AAMP: variants seen among roughly 807,000 people sequenced by gnomAD.
AAMP encodes angio associated migratory cell protein.
Under a neutral mutation model 51.1 loss-of-function variants are expected in AAMP, and 12 were observed. The ratio of observed to expected loss-of-function variants is 0.23; its 90% CI spans 0.15 to 0.38. The LOEUF is 0.38. Ranked by LOEUF, AAMP falls within the 10% of genes least tolerant of loss-of-function variation. AAMP has a pLI of 1.00. For synonymous variants in AAMP, 210 were observed against 218.7 expected, an observed-to-expected ratio of 0.96 and a Z score of 0.35; for missense variants, 418 against 557.2, an observed-to-expected ratio of 0.75 and a Z score of 2.52.
Position 218,269,419 on chromosome 2 carries a change from G to T in AAMP, c.237C>A (p.Gly79=), listed in dbSNP as rs146569697. The T allele has an allele frequency of 3.6e-5, 58 of 1,614,030 alleles. No individual in the cohort carries two copies. Among genetic ancestry groups the T allele is most frequent in the Non-Finnish European group, 4.6e-5 (54 of 1,180,032 alleles). Reference sequence around the variant, plus strand: ...CAAAGGTGACCTCGCTATCGTCGGGGCCCTCCATGCTGCCGACCACCCCTT... The same window carrying T: ...CAAAGGTGACCTCGCTATCGTCGGGTCCCTCCATGCTGCCGACCACCCCTT... ...PQEGVVGSME[G]PDDSEVTFAL... Residue 79 remains glycine (G), a synonymous_variant, in exon 2 of 11, where the codon GGC becomes GGA. Transcript: ENST00000248450.
chr2:218,269,669 GGGGGCGCGC>G (rs1445155589), intron 1 of AAMP, 135 bp from the exon 2 acceptor site: 15 of 1,444,898 alleles, frequency 1.0e-5, no homozygotes, highest in Admixed American at 1.8e-5. Flanking sequence ...CGGGGTCCGC[GGGGGCGCGC>G]GGGACACAGG....
In AAMP at chr2:218,270,108, C is replaced by T; in HGVS notation, c.-22G>A. 2 of 1,612,794 alleles carry T rather than the reference C, an allele frequency of 1.2e-6. No individual in the cohort carries two copies. The highest frequency in any genetic ancestry group is 1.7e-6 in the Non-Finnish European group (2 of 1,179,382). ...CCATGCGGCGCAAGCGGCGGATCCA[C>T]TTCTCTGGGCCCAAACGCCTCCCAG... On this transcript the variant is annotated 5_prime_UTR_variant, in exon 1 of 11. The change creates a new upstream start codon in the 5' untranslated region. Transcript: ENST00000248450.
rs1690585587 is a variant in AAMP at position 218,264,919 on chromosome 2, C to T, written c.1229+101G>A. The T allele has an allele frequency of 3.2e-6, 5 of 1,549,516 alleles. No individual in the cohort carries two copies. In the South Asian group the frequency reaches 5.6e-5, roughly 17 times the overall value. ...CCCTCAGGCTTCTCTGCATTCCTGC[C>T]TTAGGAATCCCTTCCCACACCCCAA... is the stretch of plus-strand genomic sequence containing the variant. On this transcript the variant is annotated intron_variant, in intron 10 of 10. Coordinates refer to ENST00000248450, the MANE Select transcript of AAMP (RefSeq NM_001087.5).
intron 2 of AAMP, 126 bp downstream of exon 2, chr2:218,269,256 C>G: frequency 7.9e-7 from 1 of 1,269,970 alleles, no homozygotes; most frequent in Non-Finnish European, 1.1e-6. Flanking sequence ...CACCTGTGGG[C>G]TCCTCCAGCG....
rs1690724998 is a variant in AAMP, at chr2:218,269,383, T to C, written c.273A>G (p.Ser91=). 3 of 1,613,916 alleles carry C rather than the reference T, an allele frequency of 1.9e-6. 1 individual carries two copies. The highest frequency in any genetic ancestry group is 8.5e-7 in the Non-Finnish European group (1 of 1,180,042). Reference sequence around the variant, plus strand: ...AGGTGGATCGCCTCAAAGACCTACCTGAGTGCAATGCAAAGGTGACCTCGC... The same window carrying C: ...AGGTGGATCGCCTCAAAGACCTACCCGAGTGCAATGCAAAGGTGACCTCGC... ...DDSEVTFALH[S]ASVFCVSLDP... Residue 91 remains serine, a splice_region_variant and synonymous_variant, in exon 2 of 11, where the codon TCA becomes TCG. Coordinates refer to ENST00000248450, the MANE Select transcript of AAMP (RefSeq NM_001087.5).
At chr2:218,269,678 C>G in intron 1 of AAMP, 144 bp from the exon 2 acceptor site, 1 of 1,405,448 alleles carries the variant, frequency 7.1e-7, no homozygotes, top group Non-Finnish European at 9.8e-7. Flanking sequence ...CGGGGGCGCG[C>G]GGGACACAGG....
rs1448300114 is a variant in AAMP at position 218,267,011 on chromosome 2, C to A, written c.395-25G>T. ...CCTTCAAAGAAAAGTGGGCAGAAAA[C>A]AGAGGAAAAAAATAGGGTACCTGGT... On this transcript the variant is annotated intron_variant, in intron 3 of 10. Transcript: ENST00000248450. This position sits in a 1 kb window ranked among gnomAD's most constrained non-coding sequence, Gnocchi z 4.6. 6.2e-7 allele frequency: 1 copy of A among 1,608,318 alleles called. No individual in the cohort carries two copies. The highest frequency in any genetic ancestry group is 1.1e-5 in the South Asian group (1 of 90,778).
chr2:218,268,976 C>T (rs1010764448), intron 2 of AAMP, among the ~76,000 whole-genome samples: 1 of 151,848 alleles, frequency 6.6e-6, no homozygotes, highest in African/African-American at 2.4e-5. Flanking sequence ...GGATTACAGG[C>T]GTGAGCCACC....
chr2:218,265,526 C>T lies in AAMP; in HGVS notation c.983+53G>A, dbSNP rs183557198. On this transcript the variant is annotated intron_variant, in intron 8 of 10. Transcript: ENST00000248450. This position sits in a 1 kb window ranked among gnomAD's most constrained non-coding sequence, Gnocchi z 6.6. ...GGACTCACACGCCCTGCCGTCCTCC[C>T]GGGCCCCCAGCCCAGGCCCCTCCCA... The T allele has an allele frequency of 3.9e-4, 614 of 1,585,282 alleles. No homozygotes were observed. The African/African-American group carries it at 7.1e-3, about 18-fold the overall frequency.
At position 218,269,393 on chromosome 2, in the gene AAMP, G is replaced by A. The variant is rs141898578; in HGVS notation, c.263C>T (p.Ala88Val). The change falls in exon 2 of 11, where the codon GCA becomes GTA. Residue 88 changes from alanine to valine, a missense_variant. Coordinates refer to ENST00000248450, the MANE Select transcript of AAMP (RefSeq NM_001087.5). ...EGPDDSEVTF[A>V]LHSASVFCVS... ...CCTCAAAGACCTACCTGAGTGCAAT[G>A]CAAAGGTGACCTCGCTATCGTCGGG... The A allele has an allele frequency of 8.5e-4, 1,377 of 1,614,066 alleles. 14 individuals are homozygous for A. The African/African-American group carries it at 0.015, about 17-fold the overall frequency.
rs1300166101 is a variant in AAMP, at chr2:218,265,324, C to T, written c.1074+47G>A. Reference sequence around the variant, plus strand: ...GCTCCTGGAGGCCTGGGCTTCCCCACCACTATGGACACAGCCCACAGGGAC... The same window carrying T: ...GCTCCTGGAGGCCTGGGCTTCCCCATCACTATGGACACAGCCCACAGGGAC... On this transcript the variant is annotated intron_variant, in intron 9 of 10. Coordinates refer to ENST00000248450, the MANE Select transcript of AAMP (RefSeq NM_001087.5). This position sits in a 1 kb window ranked among gnomAD's most constrained non-coding sequence, Gnocchi z 6.6. The T allele has an allele frequency of 1.3e-6, 2 of 1,531,798 alleles. No individual in the cohort carries two copies. The highest frequency in any genetic ancestry group is 2.7e-5 in the African/African-American group (2 of 72,874). 94.9% of individuals were successfully genotyped at this position (1,531,798 alleles called of 1,614,324 possible).
At position 218,266,768 on chromosome 2, in the gene AAMP, AG is replaced by A; in HGVS notation, c.534+78del. The A allele has an allele frequency of 6.3e-7, 1 of 1,595,720 alleles. No individual in the cohort carries two copies. Among genetic ancestry groups the A allele is most frequent in the African/African-American group, 1.3e-5 (1 of 74,644 alleles). ...GCTCAGAGCTGGCTTGGCGCAATAA[AG>A]GCAGAACTGGCCTCCCAAGCTTGCA... On this transcript the variant is annotated intron_variant, in intron 4 of 10. Transcript: ENST00000248450. The surrounding 1 kb of genome is among the most constrained non-coding windows in gnomAD (Gnocchi z 4.7).
chr2:218,267,352 C>T lies in AAMP; in HGVS notation c.394+142G>A. 2.3e-6 allele frequency: 3 copies of T among 1,279,320 alleles called. No homozygotes were observed. Among genetic ancestry groups the T allele is most frequent in the Non-Finnish European group, 3.3e-6 (3 of 916,950 alleles). The allele number at this position is 1,279,320 out of a possible 1,614,324, so 79.2% of individuals were successfully genotyped here. On this transcript the variant is annotated intron_variant, in intron 3 of 10. Transcript: ENST00000248450. This position sits in a 1 kb window ranked among gnomAD's most constrained non-coding sequence, Gnocchi z 4.6. ...GCCCAAAACACACTAGTATTCGCCC[C>T]GTGTCCCTGGGGCCCAGCACAGAGC... is the stretch of plus-strand genomic sequence containing the variant.
rs772859639 is a variant in AAMP at position 218,266,523 on chromosome 2, A to C, written c.599T>G (p.Met200Arg). ...GCAGTCACCATTCGGGACTTTCCAC[A>C]TCCAGGTGTTGCCGTCAGCTGTGCC... The part of the protein sequence containing the change: ...LAGTADGNTW[M>R]WKVPNGDCKT... The change falls in exon 5 of 11, where the codon ATG becomes AGG. Residue 200 changes from methionine (M) to arginine (R), a missense_variant. Transcript: ENST00000248450. The surrounding 1 kb of genome is among the most constrained non-coding windows in gnomAD (Gnocchi z 4.7). The C allele has an allele frequency of 1.2e-6, 2 of 1,613,760 alleles. No individual in the cohort carries two copies. The highest frequency in any genetic ancestry group is 1.7e-6 in the Non-Finnish European group (2 of 1,180,020).
At position 218,265,182 on chromosome 2, in the gene AAMP, G is replaced by A. The variant is rs115942379; in HGVS notation, c.1075-8C>T. Reference sequence around the variant, plus strand: ...CAGCTGCACGATGCCCGACTGCCCCGAGGAATGACAGAGGCAGGGCGGAGG... The same window carrying A: ...CAGCTGCACGATGCCCGACTGCCCCAAGGAATGACAGAGGCAGGGCGGAGG... On this transcript the variant is annotated splice_polypyrimidine_tract_variant and splice_region_variant and intron_variant, in intron 9 of 10. Transcript: ENST00000248450. This position sits in a 1 kb window ranked among gnomAD's most constrained non-coding sequence, Gnocchi z 6.6. The A allele has an allele frequency of 0.024, 37,131 of 1,577,132 alleles. 532 individuals are homozygous for A. Among genetic ancestry groups the A allele is most frequent in the Middle Eastern group, 0.028 (148 of 5,274 alleles).
chr2:218,266,625 C>T lies in AAMP; in HGVS notation c.535-38G>A. On this transcript the variant is annotated intron_variant, in intron 4 of 10. Transcript: ENST00000248450. The surrounding 1 kb of genome is among the most constrained non-coding windows in gnomAD (Gnocchi z 4.7). ...GAAGGGGCAGCAGGGAGGCCCGTCA[C>T]CCCATCCCACCTAGAAGCCTGCCCC... is the stretch of plus-strand genomic sequence containing the variant. 2 of 1,592,124 alleles carry T rather than the reference C, an allele frequency of 1.3e-6. No individual in the cohort carries two copies. Among genetic ancestry groups the T allele is most frequent in the African/African-American group, 1.3e-5 (1 of 74,570 alleles).
rs1264629245 is a variant in AAMP at position 218,264,287 on chromosome 2, TGAAAGA to T, written c.*240_*245del. On this transcript the variant is annotated 3_prime_UTR_variant, in exon 11 of 11. Transcript: ENST00000248450. Reference sequence around the variant, plus strand: ...CATGGCTCACACCAGCAAATGAAAGTGAAAGAGAAACAGGTCCACCCCTCCCTCTGA... The same window carrying T: ...CATGGCTCACACCAGCAAATGAAAGTGAAACAGGTCCACCCCTCCCTCTGA... 1 of 535,792 alleles carries T rather than the reference TGAAAGA, an allele frequency of 1.9e-6. No homozygotes were observed. Among genetic ancestry groups the T allele is most frequent in the Non-Finnish European group, 3.3e-6 (1 of 298,988 alleles). The allele number at this position is 535,792 out of a possible 1,614,324, so 33.2% of individuals were successfully genotyped here. A position where few individuals can be genotyped will look rare whatever the true frequency, so the allele number is the denominator to read the frequency against.
rs1405987112 is a variant in AAMP, at chr2:218,265,800, G to A, written c.879+31C>T. On this transcript the variant is annotated intron_variant, in intron 7 of 10. Transcript: ENST00000248450. This position sits in a 1 kb window ranked among gnomAD's most constrained non-coding sequence, Gnocchi z 6.6. Reference sequence around the variant, plus strand: ...AGGAAGGAGAGGAGTCGGGAAAGCGGAGGCCCCAGCCGGGCTCCAGGTCCA... The same window carrying A: ...AGGAAGGAGAGGAGTCGGGAAAGCGAAGGCCCCAGCCGGGCTCCAGGTCCA... 6.3e-7 allele frequency: 1 copy of A among 1,597,884 alleles called. No homozygotes were observed. The highest frequency in any genetic ancestry group is 1.7e-5 in the Admixed American group (1 of 59,720).
rs772542210 is a variant in AAMP at position 218,269,541 on chromosome 2, T to TG, written c.122-8dup. 6.2e-7 allele frequency: 1 copy of TG among 1,613,952 alleles called. No individual in the cohort carries two copies. Among genetic ancestry groups the TG allele is most frequent in the Admixed American group, 1.7e-5 (1 of 60,012 alleles). On this transcript the variant is annotated splice_polypyrimidine_tract_variant and splice_region_variant and intron_variant, in intron 1 of 10. Transcript: ENST00000248450. Reference sequence around the variant, plus strand: ...ATCTCCTGGGCCAGGTCATCTGCTTTGGGGAGAGGGTTAGAAGATGGGGCT... The same window carrying TG: ...ATCTCCTGGGCCAGGTCATCTGCTTTGGGGGAGAGGGTTAGAAGATGGGGCT...
Sources: allele counts gnomAD v4.1 joint callset (sites outside exome capture counted in the v4.1 genomes callset), GRCh38; gene constraint gnomAD v4.1.1; non-coding constraint Gnocchi (gnomAD v3.1); transcripts MANE v1.5; gene names NCBI Gene and HGNC (gene_info 2026-07-23, HGNC 2026-07-21).